AGRN: variants seen among roughly 807,000 people sequenced by gnomAD.
The protein encoded by AGRN is agrin proteoglycan.
AGRN carries 106 observed loss-of-function variants against 211.0 expected under a neutral mutation model. That is an observed-to-expected ratio of 0.50 (90% confidence interval 0.43 to 0.59). The LOEUF (loss-of-function observed/expected upper bound fraction) is 0.59. Among genes scored for constraint, AGRN ranks in the 20% least tolerant of loss-of-function variants. The pLI is 0.00. For missense variants in AGRN, 3,040 were observed against 2,982.6 expected (o/e 1.02, Z -0.45); for synonymous variants, 1,525 against 1,332.5 (o/e 1.14, Z -3.15).
intron 2 of AGRN, chr1:1,034,900 A>C: frequency 2.7e-6 from 1 of 371,738 alleles, no homozygotes; most frequent in Non-Finnish European, 4.8e-6. Context: ...CCAAAGCTGC[A>C]GAAACACTTT....
intron 3 of AGRN, among the ~76,000 whole-genome samples, chr1:1,037,186 G>T (rs548600893): frequency 6.6e-6 from 1 of 152,316 alleles, no homozygotes; most frequent in South Asian, 2.1e-4. Flanking sequence ...GGCAAGAACT[G>T]CGTTTCCACC....
Position 1,048,133 on chromosome 1 carries a change from C to G in AGRN, c.3873C>G (p.Pro1291=). ...SSAVTPRAPH[P]SHTSQPVAKT... is the part of the protein sequence containing the mutation. ...CTGTGACCCCTCGGGCCCCGCACCCCAGTCACACAAGCCAGCCCGTTGCCA... is the reference window on the plus strand; with the variant it reads ...CTGTGACCCCTCGGGCCCCGCACCCGAGTCACACAAGCCAGCCCGTTGCCA... The change falls in exon 23 of 36, where the codon CCC becomes CCG. Residue 1291 remains proline (P), a synonymous_variant. Transcript: ENST00000379370. The surrounding 1 kb of genome is among the most constrained non-coding windows in gnomAD (Gnocchi z 5.9). 1.3e-6 allele frequency: 2 copies of G among 1,572,822 alleles called. No homozygotes were observed. Among genetic ancestry groups the G allele is most frequent in the Non-Finnish European group, 1.7e-6 (2 of 1,166,826 alleles).
intron 6 of AGRN, 25 bp downstream of exon 6, chr1:1,041,727 C>T: frequency 6.4e-7 from 1 of 1,571,940 alleles, no homozygotes; most frequent in East Asian, 2.3e-5. Flanking sequence ...CGGGGGAGGG[C>T]TCCGGCCAGT....
rs1037096104 is a variant in AGRN at position 1,034,776 on chromosome 1, GCCGCGGCGGGT to G, written c.464-494_464-484del. The G allele has an allele frequency of 3.8e-4, 370 of 975,612 alleles. 3 individuals are homozygous for G. In the African/African-American group the frequency reaches 6.1e-3, roughly 16 times the overall value. The allele number at this position is 975,612 out of a possible 1,614,324, so 60.4% of individuals were successfully genotyped here. A position where few individuals can be genotyped will look rare whatever the true frequency, so the allele number is the denominator to read the frequency against. On this transcript the variant is annotated intron_variant, in intron 2 of 35. Coordinates refer to ENST00000379370, the MANE Select transcript of AGRN (RefSeq NM_198576.4). ...AGGCCCCTGCACATAGAGGCTGGAG[GCCGCGGCGGGT>G]CCGCGGGGCTCCCGGCAGCTTCCCG...
Position 1,051,779 on chromosome 1 carries a change from G to A in AGRN, c.5615G>A (p.Arg1872Gln), listed in dbSNP as rs767076670. ...GTGGATACCTTGGCCTTTGACGGGC[G>A]GACCTTTGTCGAGTACCTCAACGCT... ...GDVDTLAFDG[R>Q]TFVEYLNAVT... The change falls in exon 33 of 36, where the codon CGG becomes CAG. Residue 1872 changes from arginine (R) to glutamine (Q), a missense_variant. Transcript: ENST00000379370. The A allele has an allele frequency of 3.2e-5, 52 of 1,613,734 alleles. No individual in the cohort carries two copies. Among genetic ancestry groups the A allele is most frequent in the South Asian group, 8.8e-5 (8 of 91,092 alleles).
Position 1,049,703 on chromosome 1 carries a change from A to G in AGRN, c.4652A>G (p.His1551Arg), listed in dbSNP as rs377529093. The part of the protein sequence containing the change: ...RGSGVGECGD[H>R]PCLPNPCHGG... ...TCTGGCGTGGGCGAGTGCGGGGACC[A>G]CCCCTGCCTGCCCAACCCCTGCCAT... The change falls in exon 26 of 36, where the codon CAC becomes CGC. Residue 1551 changes from histidine to arginine, a missense_variant. Physicochemically the swap from His to Arg is conservative, Grantham distance 29. Transcript: ENST00000379370. 5.5e-5 allele frequency: 86 copies of G among 1,572,964 alleles called. 1 individual carries two copies. The African/African-American group carries it at 1.1e-3, about 21-fold the overall frequency.
In AGRN at chr1:1,055,625, A is replaced by C; in HGVS notation, c.*644A>C. The C allele has an allele frequency of 6.1e-6, 1 of 165,116 alleles. No homozygotes were observed. The highest frequency in any genetic ancestry group is 1.3e-5 in the Non-Finnish European group (1 of 75,460). 10.2% of individuals were successfully genotyped at this position (165,116 alleles called of 1,614,324 possible). On this transcript the variant is annotated 3_prime_UTR_variant, in exon 36 of 36. Transcript: ENST00000379370. ...GGACGTGACCGTATCCCTCTGCCAC[A>C]CCCCAGGCCCTGCGAGGGGCTATCG...
intron 27 of AGRN, 97 bp downstream of exon 27, chr1:1,050,134 A>G (rs1645238469): frequency 6.3e-7 from 1 of 1,588,116 alleles, no homozygotes; most frequent in African/African-American, 1.4e-5. Context: ...GATGCGGCTC[A>G]GTCTAGTCTG....
chr1:1,041,591 G>A lies in AGRN; in HGVS notation c.1066G>A (p.Val356Met), dbSNP rs868214586. 1.2e-6 allele frequency: 2 copies of A among 1,611,170 alleles called. No individual in the cohort carries two copies. The highest frequency in any genetic ancestry group is 1.3e-5 in the African/African-American group (1 of 75,012). Residue 356 changes from valine (V) to methionine (M), a missense_variant, in exon 6 of 36, where the codon GTG (valine) becomes ATG (methionine). Physicochemically the swap from Val to Met is conservative, Grantham distance 21. Transcript: ENST00000379370. ...GAGCTGCCCTGCCCGGCAGGCGCCA[G>A]TGTGTGGGGACGACGGAGTCACCTA... ...PESCPARQAP[V>M]CGDDGVTYEN...
rs1281425394 is a variant in AGRN, at chr1:1,050,248, G to T, written c.4895G>T (p.Gly1632Val). The T allele has an allele frequency of 6.8e-6, 11 of 1,613,022 alleles. No individual in the cohort carries two copies. The highest frequency in any genetic ancestry group is 9.3e-6 in the Non-Finnish European group (11 of 1,179,952). ...TFCQTASGQD[G>V]SGPFLADFNG... ...CTCCCTACAGCCTCGGGGCAGGACGGCTCTGGGCCCTTCCTGGCTGACTTC... is the reference window on the plus strand; with the variant it reads ...CTCCCTACAGCCTCGGGGCAGGACGTCTCTGGGCCCTTCCTGGCTGACTTC... The change falls in exon 28 of 36, where the codon GGC (glycine) becomes GTC (valine). Residue 1632 changes from glycine to valine, a missense_variant. Gly to Val is a moderately radical substitution (Grantham distance 109). Around this residue, in one of 3 missense-constraint regions of AGRN, gnomAD observed 1,537 missense variants for 1,505.0 expected, o/e 1.02. Transcript: ENST00000379370.
intron 2 of AGRN, among the ~76,000 whole-genome samples, chr1:1,024,262 G>C (rs1306937480): frequency 1.3e-5 from 2 of 152,126 alleles, no homozygotes; most frequent in African/African-American, 2.4e-5. Context: ...TCTGGAGCCA[G>C]TCTGGCTGGA....
chr1:1,044,214 C>G lies in AGRN; in HGVS notation c.2105C>G (p.Pro702Arg), dbSNP rs149814455. 3 of 1,613,006 alleles carry G rather than the reference C, an allele frequency of 1.9e-6. No homozygotes were observed. In the Admixed American group the frequency reaches 5.0e-5, roughly 27 times the overall value. The change falls in exon 11 of 36, where the codon CCG becomes CGG. Residue 702 changes from proline (P) to arginine (R), a missense_variant. Physicochemically the swap from Pro to Arg is moderately radical, Grantham distance 103. Coordinates refer to ENST00000379370, the MANE Select transcript of AGRN (RefSeq NM_198576.4). ...TGGGACGAGGACTCGGAGGACGGGC[C>G]GTGTGTCTGTGACTTCAGCTGCCAG... The part of the protein sequence containing the change: ...GIWDEDSEDG[P>R]CVCDFSCQSV...
chr1:1,021,634 C>T (rs1644409041), intron 1 of AGRN, among the ~76,000 whole-genome samples: 1 of 152,246 alleles, frequency 6.6e-6, no homozygotes, highest in Non-Finnish European at 1.5e-5. Context: ...AGCAGCTGCC[C>T]TCAGGGCCCC....
chr1:1,054,066 G>C, intron 34 of AGRN, 89 bp downstream of exon 34: 1 of 1,402,994 alleles, frequency 7.1e-7, no homozygotes, highest in Non-Finnish European at 9.8e-7. Context: ...TGTGACCAGG[G>C]GTCAGGGAGG....
At position 1,045,779 on chromosome 1, in the gene AGRN, G is replaced by C. The variant is rs139992842; in HGVS notation, c.2583G>C (p.Gln861His). ...GCGCCGTGCGGGATGACTGTGAGCA[G>C]ATGACGGGGCTGTGCTCGTGTAAGC... ...PQGAVRDDCE[Q>H]MTGLCSCKPG... is the part of the protein sequence containing the mutation. The change falls in exon 15 of 36, where the codon CAG becomes CAC. Residue 861 changes from glutamine (Q) to histidine (H), a missense_variant. Gln to His is a conservative substitution (Grantham distance 24, BLOSUM62 0). Around this residue, in one of 3 missense-constraint regions of AGRN, gnomAD observed 1,498 missense variants for 1,457.8 expected, o/e 1.03. Coordinates refer to ENST00000379370, the MANE Select transcript of AGRN (RefSeq NM_198576.4). The C allele has an allele frequency of 1.2e-6, 2 of 1,613,310 alleles. No individual in the cohort carries two copies. The highest frequency in any genetic ancestry group is 1.3e-5 in the African/African-American group (1 of 74,930).
In AGRN at chr1:1,044,157, A is replaced by C. The variant is rs754986603; in HGVS notation, c.2048A>C (p.Glu683Ala). The change falls in exon 11 of 36, where the codon GAG becomes GCG. Residue 683 changes from glutamate to alanine, a missense_variant. By Grantham distance (107) the Glu-to-Ala change is moderately radical. Around this residue, in one of 3 missense-constraint regions of AGRN, gnomAD observed 1,498 missense variants for 1,457.8 expected, o/e 1.03. Transcript: ENST00000379370. ...GGCTCTGGGGAGGACGGTGACTGTG[A>C]GCAGGAGCTGTGCCGGCAGCGCGGT... ...GSGSGEDGDC[E>A]QELCRQRGGI... 7 of 1,613,204 alleles carry C rather than the reference A, an allele frequency of 4.3e-6. No individual in the cohort carries two copies. The Admixed American group carries it at 6.7e-5, about 15-fold the overall frequency.
chr1:1,027,136 C>G (rs1397444635), intron 2 of AGRN, among the ~76,000 whole-genome samples: 1 of 152,252 alleles, frequency 6.6e-6, no homozygotes, highest in Non-Finnish European at 1.5e-5. Context: ...CAGCCCCCTC[C>G]TCCTGCAGTC....
Position 1,043,999 on chromosome 1 carries a change from G to C in AGRN, c.1975G>C (p.Ala659Pro). The change falls in exon 10 of 36, where the codon GCC (alanine) becomes CCC (proline). Residue 659 changes from alanine to proline, a missense_variant. This residue lies in a region of AGRN where 1,498 missense variants were observed against 1,457.8 expected (regional missense o/e 1.03). Coordinates refer to ENST00000379370, the MANE Select transcript of AGRN (RefSeq NM_198576.4). ...ACLQQTQIEE[A>P]RAGPCEQAEC... The stretch of plus-strand genomic sequence containing the variant: ...CCTCCAGCAGACACAGATCGAGGAG[G>C]CCCGGGCAGGGCCGTGCGAGCAGGG... 1.9e-6 allele frequency: 3 copies of C among 1,607,416 alleles called. No homozygotes were observed. Among genetic ancestry groups the C allele is most frequent in the Non-Finnish European group, 2.5e-6 (3 of 1,179,042 alleles).
At position 1,044,245 on chromosome 1, in the gene AGRN, C is replaced by T. The variant is rs1169819339; in HGVS notation, c.2136C>T (p.Val712=). 3 of 1,612,904 alleles carry T rather than the reference C, an allele frequency of 1.9e-6. No individual in the cohort carries two copies. The highest frequency in any genetic ancestry group is 3.3e-5 in the Admixed American group (2 of 60,024). The change falls in exon 11 of 36, where the codon GTC becomes GTT. Residue 712 remains valine (V), a synonymous_variant. Transcript: ENST00000379370. The part of the protein sequence containing the change: ...PCVCDFSCQS[V]PGSPVCGSDG... ...TCTGTGACTTCAGCTGCCAGAGTGT[C>T]CCAGGCAGCCCGGTGAGCTCTGTAC...
Sources: gnomAD v4.1 joint callset for allele counts (sites outside exome capture counted in the v4.1 genomes callset) on GRCh38, gnomAD v4.1.1 for gene constraint, gnomAD v4.1.1 regional missense constraint, Gnocchi (gnomAD v3.1) non-coding constraint, MANE v1.5 for transcripts, NCBI Gene and HGNC (gene_info 2026-07-23, HGNC 2026-07-21) for gene names.